The following ZNF521 variants were observed in gnomAD, a reference collection of about 807,000 sequenced individuals.
The protein encoded by ZNF521 is LYST-interacting protein 3.
A neutral mutation model predicts 105.5 loss-of-function variants in ZNF521; 14 were observed. The observed-to-expected ratio is 0.13, with a 90% CI of 0.09 to 0.21. ZNF521 has a LOEUF of 0.21. Among genes scored for constraint, ZNF521 ranks in the 10% least tolerant of loss-of-function variants. The pLI, the probability that ZNF521 is intolerant of heterozygous loss-of-function variation, is 1.00. For missense variants in ZNF521, 1,233 were observed against 1,629.7 expected (o/e 0.76, Z 4.19); for synonymous variants, 635 against 606.0 (o/e 1.05, Z -0.70).
At position 25,116,355 on chromosome 18, in the gene ZNF521, T is replaced by C. The variant is rs776563827; in HGVS notation, c.3659-24274A>G. Among the ~76,000 whole-genome samples, 13 of 152,258 alleles carry C rather than the reference T, an allele frequency of 8.5e-5. No individual in the cohort carries two copies. In the East Asian group the frequency reaches 1.9e-3, roughly 23 times the overall value. ...GGTTAGATTTAGATAATGGGTTGCA[T>C]TGGGGTTGAGTGAGACTCCAACTGA... On this transcript the variant is annotated intron_variant, in intron 5 of 7. Coordinates refer to ENST00000361524, the MANE Select transcript of ZNF521 (RefSeq NM_015461.3).
chr18:25,262,951 T>G (rs759463637), intron 3 of ZNF521, among the ~76,000 whole-genome samples: 3 of 152,200 alleles, frequency 2.0e-5, no homozygotes, highest in Non-Finnish European at 2.9e-5. Flanking sequence ...GAATGTCAAC[T>G]TAGATACCAC....
chr18:25,269,173 A>G (rs1909474186), intron 3 of ZNF521, among the ~76,000 whole-genome samples: 1 of 151,994 alleles, frequency 6.6e-6, no homozygotes. Flanking sequence ...AAACCAACAA[A>G]GATCAAAAGA....
intron 2 of ZNF521, among the ~76,000 whole-genome samples, chr18:25,349,635 C>T (rs1914622093): frequency 6.6e-6 from 1 of 151,966 alleles, no homozygotes; most frequent in South Asian, 2.1e-4. Context: ...CCCTGCCCAC[C>T]CCTTTTCCCC....
intron 2 of ZNF521, among the ~76,000 whole-genome samples, chr18:25,340,221 G>A (rs916519318): frequency 1.3e-5 from 2 of 152,098 alleles, no homozygotes; most frequent in Admixed American, 6.5e-5. Flanking sequence ...CAAGCGTGAT[G>A]GTGCGCACCT....
At chr18:25,121,578 C>T (rs2034445053) in intron 5 of ZNF521, among the ~76,000 whole-genome samples, 1 of 152,048 alleles carries the variant, frequency 6.6e-6, no homozygotes, top group Non-Finnish European at 1.5e-5. Flanking sequence ...TGTTAGATGA[C>T]ATGAAATAAC....
intron 3 of ZNF521, among the ~76,000 whole-genome samples, chr18:25,247,485 A>T (rs1568033532): frequency 6.6e-6 from 1 of 152,152 alleles, no homozygotes; most frequent in East Asian, 1.9e-4. Flanking sequence ...CTGCCTGGAG[A>T]TCTTTTTAAA....
intron 3 of ZNF521, among the ~76,000 whole-genome samples, chr18:25,243,494 A>C (rs1907493179): frequency 6.6e-6 from 1 of 152,228 alleles, no homozygotes; most frequent in Non-Finnish European, 1.5e-5. Context: ...ATCAAAGCTC[A>C]GAGTCACTCT....
intron 4 of ZNF521, among the ~76,000 whole-genome samples, chr18:25,220,097 G>A (rs1905609190): frequency 6.6e-6 from 1 of 152,124 alleles, no homozygotes; most frequent in African/African-American, 2.4e-5. Flanking sequence ...CAATGAGGGG[G>A]AAACAAACCT....
At chr18:25,066,646 C>G (rs1196186757) in intron 7 of ZNF521, among the ~76,000 whole-genome samples, 1 of 152,188 alleles carries the variant, frequency 6.6e-6, no homozygotes, top group South Asian at 2.1e-4. Flanking sequence ...AAAAAGTAGA[C>G]AGCAGAAGCG....
chr18:25,209,052 C>A (rs1396557418), intron 4 of ZNF521, among the ~76,000 whole-genome samples: 3 of 152,180 alleles, frequency 2.0e-5, no homozygotes, highest in Non-Finnish European at 4.4e-5. Flanking sequence ...TGCCACTCGA[C>A]TTCTAAATCA....
intron 3 of ZNF521, among the ~76,000 whole-genome samples, chr18:25,263,109 C>T (rs752914810): frequency 6.6e-6 from 1 of 152,180 alleles, no homozygotes; most frequent in Non-Finnish European, 1.5e-5. Context: ...AGACTATGTT[C>T]TCACAAATTC....
intron 3 of ZNF521, among the ~76,000 whole-genome samples, chr18:25,304,783 T>G (rs1266020422): frequency 6.6e-6 from 1 of 152,192 alleles, no homozygotes; most frequent in Non-Finnish European, 1.5e-5. Flanking sequence ...AGTCACAGAA[T>G]TTACCATCCA....
intron 7 of ZNF521, among the ~76,000 whole-genome samples, chr18:25,073,836 G>C (rs537989260): frequency 3.4e-4 from 51 of 151,262 alleles, no homozygotes; most frequent in African/African-American, 1.2e-3. Context: ...CACATTAAGA[G>C]TAAGTCAAAC....
At chr18:25,190,065 A>T (rs954171466) in intron 5 of ZNF521, among the ~76,000 whole-genome samples, 1 of 152,072 alleles carries the variant, frequency 6.6e-6, no homozygotes, top group Non-Finnish European at 1.5e-5. Context: ...CCATGTAGAA[A>T]CCCTTTATGG....
At chr18:25,154,920 G>A (rs2035114450) in intron 5 of ZNF521, among the ~76,000 whole-genome samples, 1 of 152,148 alleles carries the variant, frequency 6.6e-6, no homozygotes, top group African/African-American at 2.4e-5. Context: ...AAGAGGGATT[G>A]CTGGGTCCTA....
intron 2 of ZNF521, among the ~76,000 whole-genome samples, chr18:25,323,697 G>A (rs963906627): frequency 1.3e-5 from 2 of 152,048 alleles, no homozygotes; most frequent in Admixed American, 6.6e-5. Flanking sequence ...GTCCATGAAC[G>A]CCACACCAAT....
At chr18:25,080,295 G>A (rs76968936) in intron 7 of ZNF521, among the ~76,000 whole-genome samples, 27,674 of 152,110 alleles carry the variant, frequency 0.18, 2,991 homozygotes, top group Non-Finnish European at 0.23. Flanking sequence ...TTTCACTCCC[G>A]TTTAAAGCCT....
chr18:25,313,987 T>G (rs1912465623), intron 3 of ZNF521, among the ~76,000 whole-genome samples: 2 of 152,208 alleles, frequency 1.3e-5, no homozygotes, highest in Non-Finnish European at 1.5e-5. Flanking sequence ...TTATAGTGCC[T>G]TAAGCCTAAT....
At chr18:25,107,641 A>G (rs2034099934) in intron 5 of ZNF521, among the ~76,000 whole-genome samples, 1 of 152,232 alleles carries the variant, frequency 6.6e-6, no homozygotes, top group South Asian at 2.1e-4. Flanking sequence ...ACCTGAGTGT[A>G]CATAGAGGCT....
Sources: gnomAD v4.1 joint callset for allele counts (sites outside exome capture counted in the v4.1 genomes callset) on GRCh38, gnomAD v4.1.1 for gene constraint, MANE v1.5 for transcripts, NCBI Gene and HGNC (gene_info 2026-07-23, HGNC 2026-07-21) for gene names.